Variants in PGAP1 observed in about 807,000 individuals in gnomAD.
PGAP1 encodes the protein GPI inositol-deacylase.
A neutral mutation model predicts 127.0 loss-of-function variants in PGAP1; 76 were observed. The ratio of observed to expected loss-of-function variants is 0.60; its 90% CI spans 0.50 to 0.72. PGAP1 has a LOEUF of 0.72. Ranked by LOEUF, PGAP1 falls within the 30% of genes least tolerant of loss-of-function variation. The probability of loss-of-function intolerance (pLI) is 0.00; values close to 1 mark genes in which losing one functional copy is unlikely to be tolerated. For synonymous variants in PGAP1, 362 were observed against 366.5 expected (o/e 0.99, Z 0.14); for missense variants, 982 against 1,071.3 (o/e 0.92, Z 1.16).
intron 2 of PGAP1, among the ~76,000 whole-genome samples, chr2:196,917,425 A>G (rs1444421715): frequency 1.3e-5 from 2 of 152,228 alleles, no homozygotes; most frequent in Non-Finnish European, 2.9e-5. Flanking sequence ...ATATTTTACA[A>G]CCATCTCTGA....
At chr2:196,869,128 G>T (rs1701332900) in intron 19 of PGAP1, among the ~76,000 whole-genome samples, 1 of 151,994 alleles carries the variant, frequency 6.6e-6, no homozygotes, top group Non-Finnish European at 1.5e-5. Context: ...AAGAATACTA[G>T]GTCTGTCCTC....
At position 196,841,213 on chromosome 2, in the gene PGAP1, C is replaced by T. The variant is rs1360443320; in HGVS notation, c.*21G>A. 49 of 1,605,196 alleles carry T rather than the reference C, an allele frequency of 3.1e-5. No homozygotes were observed. The highest frequency in any genetic ancestry group is 4.2e-5 in the Non-Finnish European group (49 of 1,175,822). ...TGGCCCTAAACACATAAATTATCTT[C>T]ATCATTCCTTAAGTCCAATCTTACA... On this transcript the variant is annotated 3_prime_UTR_variant, in exon 27 of 27. Coordinates refer to ENST00000354764, the MANE Select transcript of PGAP1 (RefSeq NM_024989.4).
At position 196,847,190 on chromosome 2, in the gene PGAP1, A is replaced by G. The variant is rs1034401204; in HGVS notation, c.1963T>C (p.Phe655Leu). The G allele has an allele frequency of 6.2e-7, 1 of 1,604,494 alleles. No homozygotes were observed. The highest frequency in any genetic ancestry group is 8.5e-7 in the Non-Finnish European group (1 of 1,176,428). The change falls in exon 22 of 27, where the codon TTT (phenylalanine) becomes CTT (leucine). Residue 655 changes from phenylalanine (F) to leucine (L), a missense_variant. Phe to Leu is a conservative substitution (Grantham distance 22, BLOSUM62 0). Coordinates refer to ENST00000354764, the MANE Select transcript of PGAP1 (RefSeq NM_024989.4). Reference protein sequence around the residue: ...IIKFLLGYKWFKELWDVLLLP... With the variant: ...IIKFLLGYKWLKELWDVLLLP... Reference sequence around the variant, plus strand: ...AATAATACATCCCACAATTCTTTAAACCATTTATACCTGTGGAGAAAAGAA... The same window carrying G: ...AATAATACATCCCACAATTCTTTAAGCCATTTATACCTGTGGAGAAAAGAA...
At chr2:196,922,473 A>G (rs1703228151) in intron 1 of PGAP1, 1 of 983,628 alleles carries the variant, frequency 1.0e-6, no homozygotes, top group South Asian at 4.7e-5. Context: ...TTAAAAAAAA[A>G]AAAAAGGCCT....
At chr2:196,915,779 G>A (rs530762329) in intron 3 of PGAP1, among the ~76,000 whole-genome samples, 3 of 152,224 alleles carry the variant, frequency 2.0e-5, no homozygotes, top group African/African-American at 4.8e-5. Context: ...GTGCAGCATG[G>A]CATTCAAAGA....
intron 14 of PGAP1, among the ~76,000 whole-genome samples, chr2:196,874,283 T>C (rs1701494116): frequency 6.6e-6 from 1 of 151,920 alleles, no homozygotes; most frequent in Admixed American, 6.6e-5. Flanking sequence ...AATGATAGAA[T>C]TGGATTATAG....
At chr2:196,902,017 T>TA (rs1311242261) in intron 5 of PGAP1, among the ~76,000 whole-genome samples, 1 of 152,132 alleles carries the variant, frequency 6.6e-6, no homozygotes, top group Non-Finnish European at 1.5e-5. Flanking sequence ...CCTTTGTACT[T>TA]ACTTTTTTTT....
intron 20 of PGAP1, among the ~76,000 whole-genome samples, chr2:196,852,187 A>G (rs1353566999): frequency 6.6e-6 from 1 of 152,196 alleles, no homozygotes; most frequent in African/African-American, 2.4e-5. Flanking sequence ...TAAAATTCCA[A>G]AATGAAATCT....
intron 5 of PGAP1, among the ~76,000 whole-genome samples, chr2:196,899,630 A>T (rs1702409003): frequency 6.6e-6 from 1 of 152,258 alleles, no homozygotes; most frequent in South Asian, 2.1e-4. Context: ...ACACAAATCA[A>T]AAAGTCAGTT....
rs1356417554 is a variant in PGAP1, at chr2:196,912,992, G to A, written c.539C>T (p.Ala180Val). 1.9e-6 allele frequency: 3 copies of A among 1,613,672 alleles called. No individual in the cohort carries two copies. In the African/African-American group the frequency reaches 4.0e-5, roughly 22 times the overall value. Residue 180 changes from alanine to valine, a missense_variant, in exon 4 of 27, where the codon GCA becomes GTA. By Grantham distance (64) the Ala-to-Val change is moderately conservative (BLOSUM62 0). Transcript: ENST00000354764. ...ATTTTTCAGTGTAAGCAATGCTCTT[G>A]CAACAAGGCCACCCATAGAATGACC... ...IIGHSMGGLV[A>V]RALLTLKNFK... is the part of the protein sequence containing the mutation.
At chr2:196,915,866 T>C (rs1490812179) in intron 3 of PGAP1, among the ~76,000 whole-genome samples, 1 of 152,242 alleles carries the variant, frequency 6.6e-6, no homozygotes, top group Non-Finnish European at 1.5e-5. Context: ...ATTTAGCTGC[T>C]TCAGCAGCCC....
chr2:196,867,555 C>A (rs900977829), intron 19 of PGAP1, among the ~76,000 whole-genome samples: 1 of 152,146 alleles, frequency 6.6e-6, no homozygotes, highest in Non-Finnish European at 1.5e-5. Context: ...AGCAAACCAA[C>A]ACAGCATGTG....
At chr2:196,857,536 G>A (rs1414889383) in intron 20 of PGAP1, among the ~76,000 whole-genome samples, 3 of 152,180 alleles carry the variant, frequency 2.0e-5, no homozygotes, top group Non-Finnish European at 4.4e-5. Context: ...CTAACTATGG[G>A]GTGATTGATC....
intron 10 of PGAP1, among the ~76,000 whole-genome samples, chr2:196,889,579 G>A (rs550715807): frequency 1.2e-4 from 18 of 151,888 alleles, no homozygotes; most frequent in Non-Finnish European, 1.8e-4. Context: ...TCCTGAGGCC[G>A]GGCGCGGTGG....
intron 25 of PGAP1, among the ~76,000 whole-genome samples, chr2:196,843,246 A>G (rs1279635977): frequency 6.6e-6 from 1 of 152,312 alleles, no homozygotes; most frequent in African/African-American, 2.4e-5. Context: ...CTGACAGTAA[A>G]ATGTCTATAG....
intron 12 of PGAP1, among the ~76,000 whole-genome samples, chr2:196,884,772 A>G (rs1374405906): frequency 6.6e-6 from 1 of 152,220 alleles, no homozygotes; most frequent in Non-Finnish European, 1.5e-5. Flanking sequence ...TCCGGATAAA[A>G]TTTATCAGTT....
chr2:196,836,341 A>T lies in PGAP1; in HGVS notation c.*4893T>A, dbSNP rs1700235912. 6.6e-6 allele frequency: 1 copy of T among 152,578 alleles called. No homozygotes were observed. Among genetic ancestry groups the T allele is most frequent in the Non-Finnish European group, 1.5e-5 (1 of 67,970 alleles). 9.5% of individuals were successfully genotyped at this position (152,578 alleles called of 1,614,324 possible). ...AGCTTAGAATATCACCTTTTGAAGGACATGTTATGAATTTACACTGTTAAT... is the reference window on the plus strand; with the variant it reads ...AGCTTAGAATATCACCTTTTGAAGGTCATGTTATGAATTTACACTGTTAAT... On this transcript the variant is annotated 3_prime_UTR_variant, in exon 27 of 27. Coordinates refer to ENST00000354764, the MANE Select transcript of PGAP1 (RefSeq NM_024989.4).
chr2:196,899,492 T>C (rs1702404005), intron 5 of PGAP1, among the ~76,000 whole-genome samples: 1 of 152,344 alleles, frequency 6.6e-6, no homozygotes, highest in East Asian at 1.9e-4. Context: ...CGTTCTTAAA[T>C]TACATTAATG....
rs187657451 is a variant in PGAP1 at position 196,901,157 on chromosome 2, C to T, written c.807+1428G>A. ...CGTCTGTGTTTACAAGGAGTTGACA[C>T]TTAGTCTTTTGAGGACTTCCAACAA... On this transcript the variant is annotated intron_variant, in intron 5 of 26. Transcript: ENST00000354764. 3.1e-3 allele frequency among the ~76,000 whole-genome samples: 476 copies of T among 152,342 alleles called. 3 individuals carry two copies. Among genetic ancestry groups the T allele is most frequent in the African/African-American group, 0.011 (440 of 41,572 alleles).
Sources: allele counts gnomAD v4.1 joint callset (sites outside exome capture counted in the v4.1 genomes callset), GRCh38; gene constraint gnomAD v4.1.1; transcripts MANE v1.5; gene names NCBI Gene and HGNC (gene_info 2026-07-23, HGNC 2026-07-21).